Variants in LINGO2 observed in about 807,000 individuals in gnomAD.
The protein encoded by LINGO2 is leucine-rich repeat and immunoglobulin-like domain-containing nogo receptor-interacting protein 2.
In LINGO2, 14 loss-of-function variants were observed where a neutral mutation model predicts 30.6. That is an observed-to-expected ratio of 0.46 (90% CI 0.30 to 0.72). LINGO2 has a LOEUF of 0.72. Among genes scored for constraint, LINGO2 ranks in the 30% least tolerant of loss-of-function variants. LINGO2 has a pLI of 0.07. For synonymous variants in LINGO2, 317 were observed against 288.5 expected, an observed-to-expected ratio of 1.10 and a Z score of -1.00; for missense variants, 729 against 751.7, an observed-to-expected ratio of 0.97 and a Z score of 0.35.
intron 1 of LINGO2, among the ~76,000 whole-genome samples, chr9:28,492,558 A>G (rs1279617962): frequency 6.6e-6 from 1 of 152,182 alleles, no homozygotes; most frequent in East Asian, 1.9e-4. Context: ...GTTTTTGTTA[A>G]AAGTAGGGCT....
the LINGO2 span, among the ~76,000 whole-genome samples, chr9:29,111,508 CAT>C: frequency 2.0e-5 from 3 of 151,682 alleles, no homozygotes; most frequent in Admixed American, 6.6e-5. Flanking sequence ...TATACACACA[CAT>C]ATATACATAT....
At chr9:29,001,672 T>A in the LINGO2 span, among the ~76,000 whole-genome samples, 1 of 152,026 alleles carries the variant, frequency 6.6e-6, no homozygotes, top group Non-Finnish European at 1.5e-5. Context: ...TATTTATACA[T>A]ACATTACCTT....
chr9:28,238,836 A>G (rs1821674555), intron 4 of LINGO2, among the ~76,000 whole-genome samples: 1 of 141,750 alleles, frequency 7.1e-6, no homozygotes, highest in South Asian at 2.3e-4. Flanking sequence ...TAACAGATAA[A>G]TGAAACAAAT....
intron 2 of LINGO2, among the ~76,000 whole-genome samples, chr9:28,405,417 C>T (rs10968565): frequency 0.088 from 13,386 of 152,056 alleles, 670 homozygotes; most frequent in East Asian, 0.16. Flanking sequence ...GGAGTCTGGG[C>T]CCATCGCCTC....
intron 3 of LINGO2, among the ~76,000 whole-genome samples, chr9:28,321,750 G>A (rs1002750422): frequency 6.6e-6 from 1 of 152,014 alleles, no homozygotes; most frequent in Non-Finnish European, 1.5e-5. Flanking sequence ...ATTCAGATTG[G>A]AAATATATGC....
At chr9:27,956,479 A>C (rs1478527227) in intron 5 of LINGO2, among the ~76,000 whole-genome samples, 1 of 152,138 alleles carries the variant, frequency 6.6e-6, no homozygotes, top group Non-Finnish European at 1.5e-5. Context: ...TATTGTGAAT[A>C]TTTTATGCTC....
chr9:28,558,366 A>C (rs1822863394), intron 1 of LINGO2, among the ~76,000 whole-genome samples: 3 of 151,814 alleles, frequency 2.0e-5, no homozygotes, highest in African/African-American at 4.8e-5. Flanking sequence ...TCTCAATAAG[A>C]GGGGAGAGTC....
chr9:28,920,162 TC>T, the LINGO2 span, among the ~76,000 whole-genome samples: 1 of 152,094 alleles, frequency 6.6e-6, no homozygotes, highest in African/African-American at 2.4e-5. Context: ...ACGTTGTAAG[TC>T]ACCTCTACAC....
chr9:28,019,665 C>T (rs1823017667), intron 4 of LINGO2, among the ~76,000 whole-genome samples: 1 of 151,966 alleles, frequency 6.6e-6, no homozygotes, highest in South Asian at 2.1e-4. Flanking sequence ...ATTCTTTTTG[C>T]TTATCTATAC....
intron 1 of LINGO2, among the ~76,000 whole-genome samples, chr9:28,564,655 G>T (rs796469607): frequency 1.3e-5 from 2 of 151,988 alleles, no homozygotes; most frequent in Admixed American, 1.3e-4. Flanking sequence ...GAATCTTAGG[G>T]CTCCAATGTG....
At chr9:28,227,606 A>G (rs1821212856) in intron 4 of LINGO2, among the ~76,000 whole-genome samples, 1 of 148,938 alleles carries the variant, frequency 6.7e-6, no homozygotes, top group Admixed American at 6.7e-5. Context: ...AACTACATAC[A>G]CAAGTAACAC....
chr9:28,674,020 C>A, upstream of LINGO2, among the ~76,000 whole-genome samples: 1 of 150,894 alleles, frequency 6.6e-6, no homozygotes, highest in African/African-American at 2.4e-5. Flanking sequence ...AGTCAGTAAA[C>A]CTAATTAAAA....
intron 1 of LINGO2, among the ~76,000 whole-genome samples, chr9:28,632,873 TATATATGTAGAG>T (rs1239634547): frequency 0.015 from 1,506 of 100,464 alleles, 31 homozygotes; most frequent in South Asian, 0.021. Context: ...TATATATATA[TATATATGTAGAG>T]AGAGAGAGAG....
chr9:28,935,826 A>G, the LINGO2 span, among the ~76,000 whole-genome samples: 1 of 152,104 alleles, frequency 6.6e-6, no homozygotes, highest in Non-Finnish European at 1.5e-5. Flanking sequence ...TAAAAGATAC[A>G]CTGGCAAAAT....
At chr9:29,068,133 C>T in the LINGO2 span, among the ~76,000 whole-genome samples, 8 of 151,790 alleles carry the variant, frequency 5.3e-5, no homozygotes, top group Admixed American at 5.3e-4. Flanking sequence ...TGAACAAAGC[C>T]TCTAACCATT....
chr9:28,175,461 G>A (rs1828725282), intron 4 of LINGO2, among the ~76,000 whole-genome samples: 2 of 152,124 alleles, frequency 1.3e-5, no homozygotes, highest in Admixed American at 6.6e-5. Context: ...GAGGTTCTCA[G>A]AACTGTAGTT....
chr9:28,908,280 C>T, the LINGO2 span, among the ~76,000 whole-genome samples: 102 of 151,420 alleles, frequency 6.7e-4, no homozygotes, highest in East Asian at 0.018. Flanking sequence ...AGGTCTATAG[C>T]TAATATGGAG....
chr9:28,233,042 A>G (rs1821418356), intron 4 of LINGO2, among the ~76,000 whole-genome samples: 3 of 108,802 alleles, frequency 2.8e-5, no homozygotes, highest in African/African-American at 1.3e-4. Flanking sequence ...ATATATATAT[A>G]TATATATATA....
exon 6 of LINGO2, chr9:27,948,844 T>A: frequency 6.2e-7 from 1 of 1,600,364 alleles, no homozygotes. Context: ...ATGTGAGGGG[T>A]GGGCCTTCAA....
Sources: gnomAD v4.1 joint callset for allele counts (sites outside exome capture counted in the v4.1 genomes callset) on GRCh38, gnomAD v4.1.1 for gene constraint, MANE v1.5 for transcripts, NCBI Gene and HGNC (gene_info 2026-07-23, HGNC 2026-07-21) for gene names.